Variants in PCDHGA12 observed in about 807,000 individuals in gnomAD.
The protein encoded by PCDHGA12 is protocadherin gamma-A12.
A neutral mutation model predicts 61.1 loss-of-function variants in PCDHGA12; 43 were observed. The observed-to-expected ratio is 0.70, with a 90% confidence interval of 0.55 to 0.91. PCDHGA12 has a LOEUF of 0.91. PCDHGA12 is among the 40% of genes least tolerant of loss of function. The pLI, the probability that PCDHGA12 is intolerant of heterozygous loss-of-function variation, is 0.00. For missense variants in PCDHGA12, 1,236 were observed against 1,227.7 expected (o/e 1.01, Z -0.10); for synonymous variants, 520 against 542.9 (o/e 0.96, Z 0.59).
chr5:141,441,740 G>T (rs1241907865), intron 1 of PCDHGA12: 2 of 364,772 alleles, frequency 5.5e-6, no homozygotes, highest in Non-Finnish European at 1.1e-5. Context: ...ACTAGCTCGC[G>T]CTCGGCGTCA....
chr5:141,477,671 G>A lies in PCDHGA12; in HGVS notation c.2425-17136G>A, dbSNP rs1022028453. The A allele has an allele frequency of 1.2e-6, 2 of 1,614,198 alleles. No individual in the cohort carries two copies. Among genetic ancestry groups the A allele is most frequent in the Non-Finnish European group, 1.7e-6 (2 of 1,180,048 alleles). Reference sequence around the variant, plus strand: ...CACAATAAATCGTGACAATGGCATAGTGTCATCCTTAGTGCCCCTAGACTA... The same window carrying A: ...CACAATAAATCGTGACAATGGCATAATGTCATCCTTAGTGCCCCTAGACTA... On this transcript the variant is annotated intron_variant, in intron 1 of 3. Coordinates refer to ENST00000252085, the MANE Select transcript of PCDHGA12 (RefSeq NM_003735.3). This position sits in a 1 kb window ranked among gnomAD's most constrained non-coding sequence, Gnocchi z 4.9.
intron 1 of PCDHGA12, among the ~76,000 whole-genome samples, chr5:141,450,166 T>TCCCACCACACC (rs1046248061): frequency 2.0e-5 from 3 of 151,062 alleles, no homozygotes; most frequent in African/African-American, 7.3e-5. Flanking sequence ...GCCACCACAC[T>TCCCACCACACC]CCCACCACAC....
At chr5:141,442,403 G>A (rs1042068651) in intron 1 of PCDHGA12, 2 of 152,168 alleles carry the variant, frequency 1.3e-5, no homozygotes, top group African/African-American at 4.8e-5. Context: ...TACGAATCCA[G>A]GGCTGAGTGA....
chr5:141,470,969 A>C (rs62379203), intron 1 of PCDHGA12, among the ~76,000 whole-genome samples: 16,337 of 151,332 alleles, frequency 0.11, 895 homozygotes, highest in South Asian at 0.15. Flanking sequence ...CTCCCACCTC[A>C]GCCTCCCAAA....
chr5:141,500,520 T>TA (rs2099801149), intron 2 of PCDHGA12, among the ~76,000 whole-genome samples: 2 of 152,312 alleles, frequency 1.3e-5, no homozygotes, highest in Admixed American at 1.3e-4. Flanking sequence ...AGCTTCATTT[T>TA]AAAAAAATCT....
rs781591902 is a variant in PCDHGA12, at chr5:141,477,086, G to A, written c.2425-17721G>A. The A allele has an allele frequency of 1.1e-5, 18 of 1,614,128 alleles. No individual in the cohort carries two copies. In the East Asian group the frequency reaches 3.8e-4, roughly 34 times the overall value. The stretch of plus-strand genomic sequence containing the variant: ...CAAACTCCATGAGATTTACATCCAG[G>A]CCAAAGACAAGGGCGCCAATCCCGA... On this transcript the variant is annotated intron_variant, in intron 1 of 3. Coordinates refer to ENST00000252085, the MANE Select transcript of PCDHGA12 (RefSeq NM_003735.3). The surrounding 1 kb of genome is among the most constrained non-coding windows in gnomAD (Gnocchi z 4.9).
At chr5:141,440,838 C>A (rs2098204954) in intron 1 of PCDHGA12, 1 of 152,102 alleles carries the variant, frequency 6.6e-6, no homozygotes, top group African/African-American at 2.4e-5. Context: ...TTGGTTGAAG[C>A]CAATGACAAC....
rs776349562 is a variant in PCDHGA12 at position 141,491,131 on chromosome 5, G to T, written c.2425-3676G>T. The T allele has an allele frequency of 6.2e-7, 1 of 1,614,182 alleles. No individual in the cohort carries two copies. Among genetic ancestry groups the T allele is most frequent in the Non-Finnish European group, 8.5e-7 (1 of 1,180,008 alleles). On this transcript the variant is annotated intron_variant, in intron 1 of 3. Coordinates refer to ENST00000252085, the MANE Select transcript of PCDHGA12 (RefSeq NM_003735.3). This position sits in a 1 kb window ranked among gnomAD's most constrained non-coding sequence, Gnocchi z 6.9. ...TACACACACTGGTGAGGTGCGCACA[G>T]CCCGGGCCTTACTGGAGGATGACTC...
intron 1 of PCDHGA12, among the ~76,000 whole-genome samples, chr5:141,472,015 T>C (rs2099269555): frequency 6.6e-6 from 1 of 152,164 alleles, no homozygotes; most frequent in African/African-American, 2.4e-5. Flanking sequence ...AGGGGCACTA[T>C]ATTGTATGTA....
At chr5:141,475,500 T>C (rs1393586791) in intron 1 of PCDHGA12, among the ~76,000 whole-genome samples, 1 of 152,248 alleles carries the variant, frequency 6.6e-6, no homozygotes, top group East Asian at 1.9e-4. Flanking sequence ...ACTGAAATTA[T>C]TAATGTCTCC....
intron 1 of PCDHGA12, among the ~76,000 whole-genome samples, chr5:141,452,300 T>C (rs886540131): frequency 2.0e-5 from 3 of 152,194 alleles, no homozygotes; most frequent in African/African-American, 7.2e-5. Flanking sequence ...TAAGAAAATA[T>C]TAGAGACTCA....
At position 141,486,791 on chromosome 5, in the gene PCDHGA12, C is replaced by T. The variant is rs766519569; in HGVS notation, c.2425-8016C>T. 1.8e-5 allele frequency: 29 copies of T among 1,614,108 alleles called. No homozygotes were observed. The highest frequency in any genetic ancestry group is 2.2e-5 in the Non-Finnish European group (26 of 1,180,054). On this transcript the variant is annotated intron_variant, in intron 1 of 3. Coordinates refer to ENST00000252085, the MANE Select transcript of PCDHGA12 (RefSeq NM_003735.3). The surrounding 1 kb of genome is among the most constrained non-coding windows in gnomAD (Gnocchi z 5.0). ...GCAGTTTGAGGTGCAGGCCCGGGAT[C>T]GGGGCAACCCACCCCTTAGCAGCAC...
intron 1 of PCDHGA12, among the ~76,000 whole-genome samples, chr5:141,449,616 G>A (rs1279953840): frequency 1.6e-4 from 24 of 146,738 alleles, no homozygotes; most frequent in Non-Finnish European, 2.3e-4. Flanking sequence ...AAGTAAAAAA[G>A]TTTTTTAAAA....
chr5:141,498,967 GGGAGGGAAGGAAGGAA>G (rs1333462541), intron 2 of PCDHGA12, among the ~76,000 whole-genome samples: 8 of 129,672 alleles, frequency 6.2e-5, no homozygotes, highest in East Asian at 2.2e-4. Context: ...GAGGGAGGGA[GGGAGGGAAGGAAGGAA>G]GGAAGGAAGG....
At chr5:141,481,999 C>T (rs958678555) in intron 1 of PCDHGA12, among the ~76,000 whole-genome samples, 7 of 149,942 alleles carry the variant, frequency 4.7e-5, no homozygotes, top group Admixed American at 2.0e-4. Flanking sequence ...GCAGGAGAAT[C>T]GCTTTATCTC....
intron 1 of PCDHGA12, among the ~76,000 whole-genome samples, chr5:141,472,405 G>A (rs1207849470): frequency 6.6e-6 from 1 of 152,086 alleles, no homozygotes; most frequent in Non-Finnish European, 1.5e-5. Flanking sequence ...GCCAGGCGTG[G>A]TGGCACGCAC....
At position 141,430,917 on chromosome 5, in the gene PCDHGA12, G is replaced by A. The variant is rs2097324810; in HGVS notation, c.158G>A (p.Gly53Glu). ...SRVGDISRDL[G>E]LEPRELAERG... ...GTGGGCGACATCTCCAGGGACCTGG[G>A]GCTGGAGCCCCGGGAGCTCGCGGAG... Residue 53 changes from glycine (G) to glutamate (E), a missense_variant, in exon 1 of 4, where the codon GGG (glycine) becomes GAG (glutamate). Coordinates refer to ENST00000252085, the MANE Select transcript of PCDHGA12 (RefSeq NM_003735.3). The A allele has an allele frequency of 1.9e-6, 3 of 1,607,956 alleles. No individual in the cohort carries two copies. The highest frequency in any genetic ancestry group is 2.5e-6 in the Non-Finnish European group (3 of 1,177,520).
At position 141,486,230 on chromosome 5, in the gene PCDHGA12, A is replaced by G. The variant is rs1463946178; in HGVS notation, c.2425-8577A>G. ...TGACAATGCCCCTTACATCACAGTG[A>G]CCTCAGAGCTTGGAACCCTCCCCGA... On this transcript the variant is annotated intron_variant, in intron 1 of 3. Coordinates refer to ENST00000252085, the MANE Select transcript of PCDHGA12 (RefSeq NM_003735.3). This position sits in a 1 kb window ranked among gnomAD's most constrained non-coding sequence, Gnocchi z 5.0. 2 of 1,613,898 alleles carry G rather than the reference A, an allele frequency of 1.2e-6. No individual in the cohort carries two copies. The highest frequency in any genetic ancestry group is 2.2e-5 in the East Asian group (1 of 44,878).
Position 141,431,583 on chromosome 5 carries a change from C to A in PCDHGA12, c.824C>A (p.Ala275Glu), listed in dbSNP as rs771534481. Residue 275 changes from alanine to glutamate, a missense_variant, in exon 1 of 4, where the codon GCG becomes GAG. Physicochemically the swap from Ala to Glu is moderately radical, Grantham distance 107. Transcript: ENST00000252085. The surrounding 1 kb of genome is among the most constrained non-coding windows in gnomAD (Gnocchi z 4.8). ...NATDPDEGVN[A>E]EVRYSFRYVD... ...ACCGACCCTGACGAAGGAGTCAATGCGGAAGTGAGGTATTCCTTCCGGTAT... is the reference window on the plus strand; with the variant it reads ...ACCGACCCTGACGAAGGAGTCAATGAGGAAGTGAGGTATTCCTTCCGGTAT... The A allele has an allele frequency of 1.1e-5, 18 of 1,614,008 alleles. No individual in the cohort carries two copies. In the South Asian group the frequency reaches 1.2e-4, roughly 11 times the overall value.
Sources: allele counts gnomAD v4.1 joint callset (sites outside exome capture counted in the v4.1 genomes callset), GRCh38; gene constraint gnomAD v4.1.1; non-coding constraint Gnocchi (gnomAD v3.1); transcripts MANE v1.5; gene names NCBI Gene and HGNC (gene_info 2026-07-23, HGNC 2026-07-21).